Variants in UBE2F observed in about 807,000 individuals in gnomAD.
The protein encoded by UBE2F is NEDD8-conjugating enzyme UBE2F.
A neutral mutation model predicts 29.6 loss-of-function variants in UBE2F; 5 were observed. That is an observed-to-expected ratio of 0.17 (90% CI 0.09 to 0.36). The LOEUF (loss-of-function observed/expected upper bound fraction) is 0.36. Among genes scored for constraint, UBE2F ranks in the 10% least tolerant of loss-of-function variants. The pLI is 1.00. For missense variants in UBE2F, 141 were observed against 228.5 expected, an observed-to-expected ratio of 0.62 and a Z score of 2.47; for synonymous variants, 66 against 81.8, an observed-to-expected ratio of 0.81 and a Z score of 1.04.
At chr2:237,968,593 G>C (rs201224125) in intron 1 of UBE2F, among the ~76,000 whole-genome samples, 1 of 152,186 alleles carries the variant, frequency 6.6e-6, no homozygotes, top group African/African-American at 2.4e-5. Context: ...TGGTGTCCCT[G>C]CACAAGTGAC....
intron 6 of UBE2F, 25 bp downstream of exon 6, chr2:238,025,437 T>G (rs985254570): frequency 3.8e-6 from 6 of 1,597,162 alleles, no homozygotes; most frequent in Non-Finnish European, 4.3e-6. Flanking sequence ...TTTTCTTTCT[T>G]CTACATTCGT....
intron 2 of UBE2F, 64 bp from the exon 3 acceptor site, chr2:237,987,899 T>C (rs1410891923): frequency 3.3e-6 from 3 of 917,296 alleles, no homozygotes; most frequent in Non-Finnish European, 5.0e-6. Flanking sequence ...ATTGCCAATT[T>C]AGAACTGGTG....
At chr2:238,011,002 A>G (rs553401689) in intron 4 of UBE2F, among the ~76,000 whole-genome samples, 1 of 151,994 alleles carries the variant, frequency 6.6e-6, no homozygotes. Flanking sequence ...TGCTGCCTTC[A>G]AAATCTGTCT....
intron 2 of UBE2F, among the ~76,000 whole-genome samples, chr2:237,975,032 A>G (rs1345362618): frequency 6.6e-6 from 1 of 152,038 alleles, no homozygotes; most frequent in Non-Finnish European, 1.5e-5. Flanking sequence ...TCTGCCTCCC[A>G]AAGTGCTGGG....
intron 2 of UBE2F, chr2:237,986,134 T>C (rs1478834826): frequency 2.8e-6 from 1 of 357,110 alleles, no homozygotes; most frequent in Non-Finnish European, 5.2e-6. Flanking sequence ...TAGACTACCT[T>C]TTCTTTTCTT....
intron 3 of UBE2F, among the ~76,000 whole-genome samples, chr2:237,989,807 C>G (rs1279984251): frequency 6.6e-6 from 1 of 151,972 alleles, no homozygotes; most frequent in Non-Finnish European, 1.5e-5. Context: ...GAGGCAATAT[C>G]TTGAGATTCT....
chr2:238,001,779 C>T (rs548071555), intron 4 of UBE2F, among the ~76,000 whole-genome samples: 1 of 152,050 alleles, frequency 6.6e-6, no homozygotes, highest in Non-Finnish European at 1.5e-5. Context: ...GAGATTGCGC[C>T]ACTGCACTCC....
Position 238,035,925 on chromosome 2 carries a change from T to A in UBE2F, c.492T>A (p.His164Gln). The A allele has an allele frequency of 6.2e-7, 1 of 1,613,520 alleles. No individual in the cohort carries two copies. The highest frequency in any genetic ancestry group is 8.5e-7 in the Non-Finnish European group (1 of 1,179,960). The change falls in exon 9 of 10, where the codon CAT becomes CAA. Residue 164 changes from histidine (H) to glutamine (Q), a missense_variant. By Grantham distance (24) the His-to-Gln change is conservative (BLOSUM62 0). Coordinates refer to ENST00000272930, the MANE Select transcript of UBE2F (RefSeq NM_080678.3). ...DDPLNIEAAEHHLRDKEDFRN... is the reference protein window; with the variant it reads ...DDPLNIEAAEQHLRDKEDFRN... Reference sequence around the variant, plus strand: ...CACTGAATATTGAAGCTGCAGAACATCATTTGCGGGACAAGGTGAGCCAGT... The same window carrying A: ...CACTGAATATTGAAGCTGCAGAACAACATTTGCGGGACAAGGTGAGCCAGT...
intron 3 of UBE2F, among the ~76,000 whole-genome samples, chr2:237,990,920 CAT>C (rs2063575653): frequency 6.6e-6 from 1 of 152,226 alleles, no homozygotes; most frequent in African/African-American, 2.4e-5. Flanking sequence ...ATGGCCAACA[CAT>C]GTAGACATTT....
Position 238,016,287 on chromosome 2 carries a change from A to G in UBE2F, c.215-279A>G, listed in dbSNP as rs148493023. Among the ~76,000 whole-genome samples the G allele has an allele frequency of 1.2e-3, 182 of 152,254 alleles. 6 individuals are homozygous for G. In the East Asian group the frequency reaches 0.034, roughly 29 times the overall value. On this transcript the variant is annotated intron_variant, in intron 4 of 9. Transcript: ENST00000272930. ...GGTAGGATGCAAGGAGGCCAGGCAG[A>G]TGGCCCCAGAAGGATGTCCCTTCCC...
At chr2:238,034,560 C>T (rs1047708245) in intron 8 of UBE2F, among the ~76,000 whole-genome samples, 4 of 152,176 alleles carry the variant, frequency 2.6e-5, no homozygotes, top group Admixed American at 6.5e-5. Context: ...CTGATCAACT[C>T]ATTTATCTTA....
chr2:238,006,963 T>G (rs2063921783), intron 4 of UBE2F, among the ~76,000 whole-genome samples: 1 of 151,716 alleles, frequency 6.6e-6, no homozygotes, highest in Non-Finnish European at 1.5e-5. Flanking sequence ...ACCATGTTGG[T>G]CAGGCTGGTC....
intron 2 of UBE2F, among the ~76,000 whole-genome samples, chr2:237,975,662 GTGTCC>G (rs1559199649): frequency 6.6e-6 from 1 of 152,126 alleles, no homozygotes; most frequent in Non-Finnish European, 1.5e-5. Context: ...GGACTTAACA[GTGTCC>G]TCTTTTTCTT....
chr2:237,987,123 A>G (rs1159904328), intron 2 of UBE2F, among the ~76,000 whole-genome samples: 1 of 152,226 alleles, frequency 6.6e-6, no homozygotes, highest in African/African-American at 2.4e-5. Flanking sequence ...ATATTTGAAC[A>G]GAGTATATAT....
At chr2:237,971,941 G>T (rs1021097783) in intron 1 of UBE2F, among the ~76,000 whole-genome samples, 47 of 152,146 alleles carry the variant, frequency 3.1e-4, no homozygotes, top group African/African-American at 1.1e-3. Flanking sequence ...ACTTAAAACT[G>T]CCATTAAAAA....
At chr2:238,000,736 G>A (rs938106177) in intron 4 of UBE2F, among the ~76,000 whole-genome samples, 1 of 152,088 alleles carries the variant, frequency 6.6e-6, no homozygotes, top group Non-Finnish European at 1.5e-5. Flanking sequence ...TAAAACCACC[G>A]CCATTAAGTT....
intron 1 of UBE2F, among the ~76,000 whole-genome samples, chr2:237,968,023 G>A (rs1297495335): frequency 1.3e-5 from 2 of 152,172 alleles, no homozygotes; most frequent in Non-Finnish European, 2.9e-5. Flanking sequence ...CCTTAAGGAA[G>A]GGGTAGGATT....
chr2:238,000,164 T>C (rs957229932), intron 4 of UBE2F, among the ~76,000 whole-genome samples: 1 of 152,234 alleles, frequency 6.6e-6, no homozygotes, highest in East Asian at 1.9e-4. Flanking sequence ...AAGACTTATA[T>C]TGATGTCGCC....
At chr2:238,030,459 A>G (rs754145850) in intron 6 of UBE2F, 97 bp from the exon 7 acceptor site, 52 of 796,994 alleles carry the variant, frequency 6.5e-5, no homozygotes, top group Non-Finnish European at 9.3e-5. Context: ...AATAAAAAGT[A>G]GAGCTCCTGC....
Sources: allele counts gnomAD v4.1 joint callset (sites outside exome capture counted in the v4.1 genomes callset), GRCh38; gene constraint gnomAD v4.1.1; transcripts MANE v1.5; gene names NCBI Gene and HGNC (gene_info 2026-07-23, HGNC 2026-07-21).